Variants in KAZN observed in about 807,000 individuals in gnomAD.
The protein encoded by KAZN is kazrin.
KAZN carries 40 observed loss-of-function variants against 87.4 expected under a neutral mutation model. The ratio of observed to expected loss-of-function variants is 0.46; its 90% confidence interval spans 0.36 to 0.60. The LOEUF is 0.60. Among genes scored for constraint, KAZN ranks in the 20% least tolerant of loss-of-function variants. The probability of loss-of-function intolerance (pLI) is 0.00; values close to 1 mark genes in which losing one functional copy is unlikely to be tolerated. For synonymous variants in KAZN, 466 were observed against 458.3 expected, an observed-to-expected ratio of 1.02 and a Z score of -0.22; for missense variants, 898 against 1,073.9, an observed-to-expected ratio of 0.84 and a Z score of 2.29.
At chr1:14,336,691 A>G (rs138503777) in intron 2 of KAZN, among the ~76,000 whole-genome samples, 1 of 152,262 alleles carries the variant, frequency 6.6e-6, no homozygotes, top group East Asian at 1.9e-4. Flanking sequence ...TTTGATTTGC[A>G]TATCTCTCAT....
chr1:14,088,068 C>T (rs1387780561), intron 1 of KAZN, among the ~76,000 whole-genome samples: 1 of 150,640 alleles, frequency 6.6e-6, no homozygotes, highest in Non-Finnish European at 1.5e-5. Flanking sequence ...CCAGTGATCA[C>T]CTAGGCCTGA....
At chr1:14,038,666 A>G (rs1477427759) in intron 1 of KAZN, among the ~76,000 whole-genome samples, 1 of 152,176 alleles carries the variant, frequency 6.6e-6, no homozygotes, top group Non-Finnish European at 1.5e-5. Flanking sequence ...GGAGGGGTGC[A>G]GGGTCTCTGC....
At chr1:14,175,450 G>C (rs1646052114) in intron 1 of KAZN, among the ~76,000 whole-genome samples, 1 of 152,220 alleles carries the variant, frequency 6.6e-6, no homozygotes, top group Non-Finnish European at 1.5e-5. Context: ...TAAGTTCTCT[G>C]ATGGAATTTA....
At chr1:14,593,789 G>T (rs1276964190), upstream of KAZN, among the ~76,000 whole-genome samples, 1 of 152,234 alleles carries the variant, frequency 6.6e-6, no homozygotes, top group African/African-American at 2.4e-5. Flanking sequence ...CAAGGGAAAA[G>T]GCAAAGACCT....
At chr1:14,716,929 A>G (rs765392210) in intron 1 of KAZN, among the ~76,000 whole-genome samples, 7 of 151,626 alleles carry the variant, frequency 4.6e-5, no homozygotes, top group Non-Finnish European at 8.8e-5. Flanking sequence ...GTTCCCTTGG[A>G]GCATCTTATG....
intron 2 of KAZN, among the ~76,000 whole-genome samples, chr1:14,573,734 A>C (rs190522066): frequency 6.6e-6 from 1 of 152,138 alleles, no homozygotes; most frequent in Non-Finnish European, 1.5e-5. Context: ...AAGCTAAAAT[A>C]TGTTATAAAT....
intron 1 of KAZN, among the ~76,000 whole-genome samples, chr1:14,875,676 A>T (rs1267061015): frequency 6.6e-6 from 1 of 152,156 alleles, no homozygotes; most frequent in African/African-American, 2.4e-5. Context: ...TATAAGCCTC[A>T]TACTGGTGGC....
At chr1:14,675,185 A>G (rs1393186036) in intron 1 of KAZN, among the ~76,000 whole-genome samples, 1 of 152,218 alleles carries the variant, frequency 6.6e-6, no homozygotes, top group Non-Finnish European at 1.5e-5. Flanking sequence ...AGCAAGAGCC[A>G]CAGGCTGCCA....
At chr1:14,650,991 C>T (rs143374138) in intron 1 of KAZN, among the ~76,000 whole-genome samples, 43 of 152,312 alleles carry the variant, frequency 2.8e-4, no homozygotes, top group Non-Finnish European at 5.3e-4. Context: ...AACCTACCTC[C>T]GCAGTGACTT....
At chr1:14,532,547 C>T (rs940648476) in intron 2 of KAZN, among the ~76,000 whole-genome samples, 6 of 150,710 alleles carry the variant, frequency 4.0e-5, no homozygotes, top group African/African-American at 1.2e-4. Flanking sequence ...TATACATGTG[C>T]CATGTTGGTG....
At chr1:14,854,529 C>T (rs1649846002) in intron 1 of KAZN, among the ~76,000 whole-genome samples, 1 of 152,092 alleles carries the variant, frequency 6.6e-6, no homozygotes, top group African/African-American at 2.4e-5. Flanking sequence ...GGGATGCAGA[C>T]CCACGTGAAG....
intron 2 of KAZN, among the ~76,000 whole-genome samples, chr1:14,396,900 GTT>G (rs33945798): frequency 4.7e-5 from 7 of 149,922 alleles, no homozygotes; most frequent in African/African-American, 7.3e-5. Flanking sequence ...TGCTCTATGA[GTT>G]TTTTTTTTTT....
Position 14,883,346 on chromosome 1 carries a change from G to GA in KAZN, c.227-77335dup, listed in dbSNP as rs1469290207. ...AGAGAGAGAGAGAGAGAGAGAGAAA[G>GA]AAAGAAAGAAAAGAAAGAAAGAAAG... On this transcript the variant is annotated intron_variant, in intron 1 of 14. Coordinates refer to ENST00000376030, the MANE Select transcript of KAZN (RefSeq NM_201628.3). Among the ~76,000 whole-genome samples the GA allele has an allele frequency of 4.0e-4, 13 of 32,524 alleles. 1 individual carries two copies. Among genetic ancestry groups the GA allele is most frequent in the Non-Finnish European group, 5.7e-4 (9 of 15,700 alleles). 21.3% of individuals were successfully genotyped at this position (32,524 alleles called of 152,430 possible).
intron 2 of KAZN, among the ~76,000 whole-genome samples, chr1:14,452,068 T>G (rs1667308697): frequency 6.6e-6 from 1 of 152,180 alleles, no homozygotes; most frequent in Admixed American, 6.5e-5. Flanking sequence ...GCCTCCCAGG[T>G]AGCTGGGATT....
rs184372651 is a variant in KAZN, at chr1:14,870,758, C to T, written c.227-89926C>T. 1.6e-4 allele frequency among the ~76,000 whole-genome samples: 24 copies of T among 152,256 alleles called. No homozygotes were observed. In the East Asian group the frequency reaches 2.5e-3, roughly 16 times the overall value. On this transcript the variant is annotated intron_variant, in intron 1 of 14. Coordinates refer to ENST00000376030, the MANE Select transcript of KAZN (RefSeq NM_201628.3). ...TAATGGCCCATGGTCAGCTCTCAAT[C>T]GGGGGCATTTGTTGTGAAGGTTGTG...
chr1:14,595,320 C>T (rs1477851150), upstream of KAZN, among the ~76,000 whole-genome samples: 1 of 152,120 alleles, frequency 6.6e-6, no homozygotes, highest in African/African-American at 2.4e-5. Flanking sequence ...AAAAGTTAAA[C>T]ATAGCAACCG....
chr1:14,660,634 G>A (rs935932455), intron 1 of KAZN, among the ~76,000 whole-genome samples: 6 of 142,444 alleles, frequency 4.2e-5, no homozygotes, highest in African/African-American at 1.6e-4. Context: ...GCCGATGGCT[G>A]AGCCTTGCCT....
At chr1:14,670,672 C>A (rs1266669853) in intron 1 of KAZN, among the ~76,000 whole-genome samples, 1 of 152,102 alleles carries the variant, frequency 6.6e-6, no homozygotes, top group Non-Finnish European at 1.5e-5. Flanking sequence ...GAATCATTGC[C>A]CTTAAGAGTC....
chr1:14,477,447 C>CCCT lies in KAZN; in HGVS notation c.250-121535_250-121534insCTC, dbSNP rs1377255406. Among the ~76,000 whole-genome samples the CCCT allele has an allele frequency of 8.3e-3, 1,233 of 148,074 alleles. 8 individuals are homozygous for CCCT. The highest frequency in any genetic ancestry group is 0.021 in the Middle Eastern group (6 of 288). On this transcript the variant is annotated intron_variant, in intron 2 of 16. Coordinates refer to the KAZN transcript ENST00000636203. ...TTCCCTCTCTCTCTCTCTCTCTCCCCCTCTCTCTCTCTCTCTTTCTCTCTC... is the reference window on the plus strand; with the variant it reads ...TTCCCTCTCTCTCTCTCTCTCTCCCCCCTCTCTCTCTCTCTCTCTTTCTCTCTC...
Sources: gnomAD v4.1 joint callset for allele counts (sites outside exome capture counted in the v4.1 genomes callset) on GRCh38, gnomAD v4.1.1 for gene constraint, MANE v1.5 for transcripts, NCBI Gene and HGNC (gene_info 2026-07-23, HGNC 2026-07-21) for gene names.